PTPRR: variants seen among roughly 807,000 people sequenced by gnomAD.
The protein encoded by PTPRR is protein tyrosine phosphatase receptor type R.
PTPRR carries 38 observed loss-of-function variants against 77.2 expected under a neutral mutation model. That is an observed-to-expected ratio of 0.49 (90% CI 0.38 to 0.65). The LOEUF (loss-of-function observed/expected upper bound fraction) is 0.65, where lower values mean the gene tolerates loss of function less well. Ranked by LOEUF, PTPRR falls within the 30% of genes least tolerant of loss-of-function variation. The pLI, the probability that PTPRR is intolerant of heterozygous loss-of-function variation, is 0.00. For missense variants in PTPRR, 744 were observed against 799.2 expected, an observed-to-expected ratio of 0.93 and a Z score of 0.83; for synonymous variants, 299 against 283.1, an observed-to-expected ratio of 1.06 and a Z score of -0.57.
At chr12:70,815,346 T>G (rs1477506890) in intron 2 of PTPRR, among the ~76,000 whole-genome samples, 3 of 152,092 alleles carry the variant, frequency 2.0e-5, no homozygotes, top group Non-Finnish European at 4.4e-5. Context: ...GGGACAAGCT[T>G]AAGTGGCCTA....
intron 1 of PTPRR, among the ~76,000 whole-genome samples, chr12:70,900,591 C>T (rs1437981150): frequency 4.6e-5 from 7 of 151,236 alleles, no homozygotes; most frequent in Non-Finnish European, 1.5e-5. Context: ...AAGTGATAAC[C>T]CACAGAATGG....
At chr12:70,687,654 T>C (rs2136745417) in intron 8 of PTPRR, among the ~76,000 whole-genome samples, 1 of 152,258 alleles carries the variant, frequency 6.6e-6, no homozygotes, top group South Asian at 2.1e-4. Flanking sequence ...GATCCTAGCA[T>C]GTCCTTTTGG....
intron 2 of PTPRR, among the ~76,000 whole-genome samples, chr12:70,882,960 A>G (rs918026627): frequency 2.0e-5 from 3 of 152,192 alleles, no homozygotes; most frequent in African/African-American, 7.2e-5. Context: ...GAAGTTGGTA[A>G]TTTTAATCCT....
At chr12:70,809,456 A>C (rs1212178316) in intron 2 of PTPRR, among the ~76,000 whole-genome samples, 1 of 152,180 alleles carries the variant, frequency 6.6e-6, no homozygotes, top group Non-Finnish European at 1.5e-5. Flanking sequence ...ATTTCTAATA[A>C]ATGTAATCTA....
chr12:70,905,783 A>G (rs950763481), intron 1 of PTPRR, among the ~76,000 whole-genome samples: 4 of 152,054 alleles, frequency 2.6e-5, no homozygotes, highest in African/African-American at 9.6e-5. Flanking sequence ...GTCAATGTCA[A>G]TAACTTGTGA....
intron 10 of PTPRR, chr12:70,672,894 G>T: frequency 1.3e-6 from 2 of 1,550,540 alleles, no homozygotes; most frequent in Non-Finnish European, 1.8e-6. Flanking sequence ...CATAGGATGG[G>T]GGCATCTGCT....
chr12:70,748,799 A>G (rs1190844338), intron 5 of PTPRR, among the ~76,000 whole-genome samples: 2 of 152,190 alleles, frequency 1.3e-5, no homozygotes, highest in Non-Finnish European at 2.9e-5. Flanking sequence ...TGTTCTTTAC[A>G]GTGTTTTACA....
Position 70,805,606 on chromosome 12 carries a change from CT to C in PTPRR, c.358-40829del, listed in dbSNP as rs1395270365. ...AAACTCCTGGTCTCAAGTGATCCTC[CT>C]GTTTCGGCTGGGACTTTTTATAATT... On this transcript the variant is annotated intron_variant, in intron 2 of 13. Coordinates refer to ENST00000283228, the MANE Select transcript of PTPRR (RefSeq NM_002849.4). Among the ~76,000 whole-genome samples the C allele has an allele frequency of 3.3e-5, 5 of 152,332 alleles. No homozygotes were observed. In the South Asian group the frequency reaches 1.0e-3, roughly 32 times the overall value.
intron 2 of PTPRR, among the ~76,000 whole-genome samples, chr12:70,808,657 T>A (rs1891754250): frequency 6.6e-6 from 1 of 152,156 alleles, no homozygotes; most frequent in African/African-American, 2.4e-5. Context: ...GCAATAAAGG[T>A]CCTCTATGAA....
At chr12:70,880,850 T>G (rs184510215) in intron 2 of PTPRR, among the ~76,000 whole-genome samples, 90 of 152,300 alleles carry the variant, frequency 5.9e-4, no homozygotes, top group African/African-American at 2.1e-3. Context: ...CCAGAATGTA[T>G]TGTTTCCTTT....
chr12:70,684,497 C>T (rs1592670829), intron 9 of PTPRR, among the ~76,000 whole-genome samples: 2 of 152,256 alleles, frequency 1.3e-5, no homozygotes, highest in Non-Finnish European at 1.5e-5. Context: ...ATATAGAGCA[C>T]TGTTGCCAGA....
intron 2 of PTPRR, among the ~76,000 whole-genome samples, chr12:70,889,626 G>A (rs1308784987): frequency 1.3e-5 from 2 of 152,054 alleles, no homozygotes; most frequent in African/African-American, 4.8e-5. Flanking sequence ...AGGATCTCAA[G>A]GAGAGGATCG....
At chr12:70,700,037 C>G (rs1888363568) in intron 7 of PTPRR, among the ~76,000 whole-genome samples, 1 of 152,198 alleles carries the variant, frequency 6.6e-6, no homozygotes, top group East Asian at 1.9e-4. Flanking sequence ...CTTTGGCTAG[C>G]TGTGTGACCA....
rs7302412 is a variant in PTPRR, at chr12:70,829,081, G to A, written c.357+63598C>T. Reference sequence around the variant, plus strand: ...ATGGAGACATGCATAGGGAACTATGGACACATGAAACATCAGTTCCCCTCA... The same window carrying A: ...ATGGAGACATGCATAGGGAACTATGAACACATGAAACATCAGTTCCCCTCA... On this transcript the variant is annotated intron_variant, in intron 2 of 13. Coordinates refer to ENST00000283228, the MANE Select transcript of PTPRR (RefSeq NM_002849.4). Among the ~76,000 whole-genome samples, 637 of 152,106 alleles carry A rather than the reference G, an allele frequency of 4.2e-3. 3 individuals carry two copies. Among genetic ancestry groups the A allele is most frequent in the African/African-American group, 0.014 (596 of 41,496 alleles).
At chr12:70,648,459 G>A (rs573589799) in intron 13 of PTPRR, among the ~76,000 whole-genome samples, 2 of 152,276 alleles carry the variant, frequency 1.3e-5, no homozygotes, top group Admixed American at 6.5e-5. Context: ...TTTGTTGTGA[G>A]TCACACAATG....
chr12:70,721,386 T>C (rs1438961665), intron 6 of PTPRR, among the ~76,000 whole-genome samples: 3 of 152,138 alleles, frequency 2.0e-5, no homozygotes, highest in African/African-American at 7.2e-5. Context: ...GACAGCCACC[T>C]CCCTTGGGCA....
chr12:70,671,177 G>A (rs1887208623), intron 10 of PTPRR, among the ~76,000 whole-genome samples: 1 of 152,154 alleles, frequency 6.6e-6, no homozygotes, highest in South Asian at 2.1e-4. Flanking sequence ...TCCTGGTAGT[G>A]TGAAGTCTAC....
At chr12:70,844,209 T>C (rs1423812773) in intron 2 of PTPRR, among the ~76,000 whole-genome samples, 1 of 152,168 alleles carries the variant, frequency 6.6e-6, no homozygotes, top group Non-Finnish European at 1.5e-5. Flanking sequence ...TATTGTATCT[T>C]TGTGTTCTCA....
At chr12:70,845,661 T>G (rs1028848711) in intron 2 of PTPRR, among the ~76,000 whole-genome samples, 5 of 152,152 alleles carry the variant, frequency 3.3e-5, no homozygotes, top group Admixed American at 2.6e-4. Context: ...GAATCTTAAG[T>G]CTTCATTGGA....
Sources: allele counts gnomAD v4.1 joint callset (sites outside exome capture counted in the v4.1 genomes callset), GRCh38; gene constraint gnomAD v4.1.1; transcripts MANE v1.5; gene names NCBI Gene and HGNC (gene_info 2026-07-23, HGNC 2026-07-21).